The following WWOX variants were observed in gnomAD, a reference collection of about 807,000 sequenced individuals.
WWOX encodes WW domain containing oxidoreductase.
A neutral mutation model predicts 46.2 loss-of-function variants in WWOX; 69 were observed. The ratio of observed to expected loss-of-function variants is 1.49; its 90% CI spans 1.23 to 1.82. WWOX has a LOEUF of 1.82. WWOX is among the 40% of genes most tolerant of loss of function. The pLI is 0.00. For synonymous variants in WWOX, 359 were observed against 202.6 expected, an observed-to-expected ratio of 1.77 and a Z score of -6.56; for missense variants, 919 against 542.6, an observed-to-expected ratio of 1.69 and a Z score of -6.89.
At chr16:78,430,018 A>G (rs530766717) in intron 7 of WWOX, among the ~76,000 whole-genome samples, 75 of 152,272 alleles carry the variant, frequency 4.9e-4, no homozygotes, top group Non-Finnish European at 7.8e-4. Context: ...TCATGCTGCT[A>G]AGAAAGACAT....
At chr16:78,725,741 G>C (rs2048814932) in intron 8 of WWOX, among the ~76,000 whole-genome samples, 1 of 152,048 alleles carries the variant, frequency 6.6e-6, no homozygotes, top group African/African-American at 2.4e-5. Flanking sequence ...CAAGGTGTCA[G>C]CACAGCCACG....
At chr16:79,105,447 C>T (rs1437338361) in intron 8 of WWOX, among the ~76,000 whole-genome samples, 3 of 152,178 alleles carry the variant, frequency 2.0e-5, no homozygotes, top group Non-Finnish European at 4.4e-5. Context: ...TCCCTGTCTA[C>T]ACCCACACCC....
chr16:79,187,682 C>T (rs1488535825), intron 8 of WWOX, among the ~76,000 whole-genome samples: 1 of 152,226 alleles, frequency 6.6e-6, no homozygotes, highest in Admixed American at 6.5e-5. Context: ...GATGGGATTA[C>T]AGGCATGCGC....
chr16:78,559,644 A>G (rs1392213816), intron 8 of WWOX, among the ~76,000 whole-genome samples: 5 of 152,196 alleles, frequency 3.3e-5, no homozygotes, highest in African/African-American at 1.2e-4. Flanking sequence ...CTGTGCATAT[A>G]TTTTTGTGTA....
chr16:79,009,831 C>T (rs1193136118), intron 8 of WWOX, among the ~76,000 whole-genome samples: 2 of 152,112 alleles, frequency 1.3e-5, no homozygotes, highest in African/African-American at 4.8e-5. Context: ...CAAGACTGTA[C>T]CTATCATGGG....
At chr16:78,886,442 G>A (rs2044459944) in intron 8 of WWOX, among the ~76,000 whole-genome samples, 2 of 151,406 alleles carry the variant, frequency 1.3e-5, no homozygotes, top group South Asian at 4.1e-4. Flanking sequence ...CTCTTCTTTT[G>A]GACATTTGCT....
intron 8 of WWOX, among the ~76,000 whole-genome samples, chr16:78,637,581 A>G (rs988455150): frequency 2.4e-4 from 36 of 152,200 alleles, no homozygotes; most frequent in Non-Finnish European, 2.9e-5. Flanking sequence ...CTTCTACTAC[A>G]TCCCCTTTCC....
chr16:78,824,865 T>C lies in WWOX; in HGVS notation c.1057-386743T>C, dbSNP rs570429589. ...AGCATATCAGGGTCCTAGGCAACTT[T>C]GTGTGAGAACAGAACAGAGAGGAAG... On this transcript the variant is annotated intron_variant, in intron 8 of 8. Transcript: ENST00000566780. Among the ~76,000 whole-genome samples the C allele has an allele frequency of 1.8e-3, 270 of 152,306 alleles. 1 individual carries two copies. The highest frequency in any genetic ancestry group is 3.0e-3 in the Admixed American group (46 of 15,304).
chr16:79,006,916 G>A (rs1371204755), intron 8 of WWOX, among the ~76,000 whole-genome samples: 1 of 152,150 alleles, frequency 6.6e-6, no homozygotes, highest in Non-Finnish European at 1.5e-5. Context: ...GGATGACCCA[G>A]AATCATCTTC....
chr16:78,660,710 A>T (rs2047190149), intron 8 of WWOX, among the ~76,000 whole-genome samples: 1 of 151,958 alleles, frequency 6.6e-6, no homozygotes, highest in African/African-American at 2.4e-5. Flanking sequence ...TCATTCCCAG[A>T]CCTCTCTCCA....
At chr16:79,163,433 T>G (rs1403957489) in intron 8 of WWOX, among the ~76,000 whole-genome samples, 1 of 152,186 alleles carries the variant, frequency 6.6e-6, no homozygotes, top group African/African-American at 2.4e-5. Context: ...CTGAGCTCTA[T>G]AAGAGATAAG....
intron 5 of WWOX, among the ~76,000 whole-genome samples, chr16:78,175,029 T>TAATAAG (rs879644346): frequency 0.031 from 3,969 of 129,742 alleles, 65 homozygotes; most frequent in Non-Finnish European, 0.052. Flanking sequence ...ATAATAATAA[T>TAATAAG]AAGAATCTGA....
chr16:78,899,900 T>G (rs535058509), intron 8 of WWOX, among the ~76,000 whole-genome samples: 1 of 152,020 alleles, frequency 6.6e-6, no homozygotes, highest in Non-Finnish European at 1.5e-5. Context: ...TGTTCCTCTC[T>G]GTCAGGACAT....
At position 78,439,548 on chromosome 16, in the gene WWOX, A is replaced by T. The variant is rs183001988; in HGVS notation, c.1056+6796A>T. On this transcript the variant is annotated intron_variant, in intron 8 of 8. Coordinates refer to ENST00000566780, the MANE Select transcript of WWOX (RefSeq NM_016373.4). ...CTTAGTCCAGTGACCAATGGATGTA[A>T]GTAAGTTGGAAAAGGGCAAAGGATT... Among the ~76,000 whole-genome samples, 16 of 152,328 alleles carry T rather than the reference A, an allele frequency of 1.1e-4. No homozygotes were observed. The East Asian group carries it at 1.7e-3, about 17-fold the overall frequency.
intron 8 of WWOX, chr16:78,526,481 C>T (rs2043471809): frequency 6.6e-6 from 1 of 152,170 alleles, no homozygotes; most frequent in Non-Finnish European, 1.5e-5. Context: ...AGATCCATTG[C>T]AAAATGAAAA....
At chr16:78,863,976 A>G (rs576659611) in intron 8 of WWOX, among the ~76,000 whole-genome samples, 48 of 152,298 alleles carry the variant, frequency 3.2e-4, no homozygotes, top group African/African-American at 1.1e-3. Flanking sequence ...GGATATACCA[A>G]ATATTTTTCT....
intron 8 of WWOX, among the ~76,000 whole-genome samples, chr16:78,986,001 A>C (rs968411116): frequency 6.6e-6 from 1 of 152,186 alleles, no homozygotes; most frequent in African/African-American, 2.4e-5. Flanking sequence ...GCTGACCTCC[A>C]ATTTTCCTTG....
chr16:78,668,645 A>C (rs1192055605), intron 8 of WWOX, among the ~76,000 whole-genome samples: 1 of 152,148 alleles, frequency 6.6e-6, no homozygotes, highest in East Asian at 1.9e-4. Context: ...GCAGGGGGTG[A>C]GGATAAGAAG....
At chr16:79,118,629 G>A (rs530380529) in intron 8 of WWOX, among the ~76,000 whole-genome samples, 26 of 152,312 alleles carry the variant, frequency 1.7e-4, no homozygotes, top group Non-Finnish European at 3.2e-4. Context: ...ACAGCTCAGT[G>A]AAGAATATCT....
Sources: allele counts gnomAD v4.1 joint callset (sites outside exome capture counted in the v4.1 genomes callset), GRCh38; gene constraint gnomAD v4.1.1; transcripts MANE v1.5; gene names NCBI Gene and HGNC (gene_info 2026-07-23, HGNC 2026-07-21).